The following TMED8 variants were observed in gnomAD, a reference collection of about 807,000 sequenced individuals.
TMED8 encodes the protein protein TMED8.
A neutral mutation model predicts 32.7 loss-of-function variants in TMED8; 15 were observed. The observed-to-expected ratio is 0.46, with a 90% CI of 0.31 to 0.71. The LOEUF is 0.71. TMED8 is among the 30% of genes least tolerant of loss of function. TMED8 has a pLI of 0.06. For missense variants in TMED8, 390 were observed against 423.9 expected (o/e 0.92, Z 0.70); for synonymous variants, 147 against 161.4 (o/e 0.91, Z 0.68).
rs1206939796 is a variant in TMED8, at chr14:77,335,143, T to C, written c.*6628A>G. 1.3e-5 allele frequency: 2 copies of C among 152,244 alleles called. No individual in the cohort carries two copies. Among genetic ancestry groups the C allele is most frequent in the East Asian group, 1.9e-4 (1 of 5,204 alleles). 9.4% of individuals were successfully genotyped at this position (152,244 alleles called of 1,614,324 possible). On this transcript the variant is annotated 3_prime_UTR_variant, in exon 6 of 6. Coordinates refer to ENST00000216468, the MANE Select transcript of TMED8 (RefSeq NM_213601.3). ...ATATAAAACGCAAGAACTGAGCTAC[T>C]TGAAGAAGCACAGCTCAGAATCATC...
At chr14:77,372,942 ATATATATATATTTTTTTTTTTTT>A (rs1566696566) in intron 1 of TMED8, among the ~76,000 whole-genome samples, 7 of 24,622 alleles carry the variant, frequency 2.8e-4, no homozygotes, top group Admixed American at 4.9e-4. Flanking sequence ...ATATATATAT[ATATATATATATTTTTTTTTTTTT>A]TTTTTTTTTT....
chr14:77,367,663 T>C (rs889293342), intron 1 of TMED8, among the ~76,000 whole-genome samples: 3 of 152,068 alleles, frequency 2.0e-5, no homozygotes, highest in Admixed American at 6.5e-5. Flanking sequence ...AATGCACCCA[T>C]GTAATTGTAG....
In TMED8 at chr14:77,346,387, C is replaced by T. The variant is rs572609505; in HGVS notation, c.289G>A (p.Asp97Asn). 245 of 1,614,042 alleles carry T rather than the reference C, an allele frequency of 1.5e-4. No individual in the cohort carries two copies. The highest frequency in any genetic ancestry group is 2.0e-4 in the Non-Finnish European group (234 of 1,180,040). Reference protein sequence around the residue: ...PLEAQALVKQDLLPADQAQVL... With the variant: ...PLEAQALVKQNLLPADQAQVL... ...TGGGCCTGGTCTGCAGGCAGCAAAT[C>T]CTGTTTCACCAAGGCCTGAGCCTCC... The change falls in exon 3 of 6, where the codon GAT becomes AAT. Residue 97 changes from aspartate to asparagine, a missense_variant. Coordinates refer to ENST00000216468, the MANE Select transcript of TMED8 (RefSeq NM_213601.3).
At chr14:77,365,326 AAG>A (rs1181914880) in intron 1 of TMED8, among the ~76,000 whole-genome samples, 1 of 152,218 alleles carries the variant, frequency 6.6e-6, no homozygotes, top group Admixed American at 6.5e-5. Context: ...CCTAGTGAGG[AAG>A]ATAAACTCAT....
chr14:77,336,478 T>G lies in TMED8; in HGVS notation c.*5293A>C, dbSNP rs1289748991. 5.9e-5 allele frequency: 9 copies of G among 152,214 alleles called. No homozygotes were observed. Among genetic ancestry groups the G allele is most frequent in the African/African-American group, 2.2e-4 (9 of 41,456 alleles). 9.4% of individuals were successfully genotyped at this position (152,214 alleles called of 1,614,324 possible). A position where few individuals can be genotyped will look rare whatever the true frequency, so the allele number is the denominator to read the frequency against. On this transcript the variant is annotated 3_prime_UTR_variant, in exon 6 of 6. Transcript: ENST00000216468. ...TCATTGGTTTTAGGCAATAGTGTTTTCTTAGCTTAGAAATTTCTTACCTTA... is the reference window on the plus strand; with the variant it reads ...TCATTGGTTTTAGGCAATAGTGTTTGCTTAGCTTAGAAATTTCTTACCTTA...
chr14:77,353,335 G>A (rs1258952322), intron 1 of TMED8, among the ~76,000 whole-genome samples: 1 of 152,090 alleles, frequency 6.6e-6, no homozygotes, highest in Non-Finnish European at 1.5e-5. Flanking sequence ...TCAGAGTTTG[G>A]TAGCAAACTC....
In TMED8 at chr14:77,346,356, A is replaced by G. The variant is rs1334543149; in HGVS notation, c.320T>C (p.Leu107Pro). 1.2e-6 allele frequency: 2 copies of G among 1,613,996 alleles called. No homozygotes were observed. ...DLLPADQAQV[L>P]NEMAKYQVPQ... The stretch of plus-strand genomic sequence containing the variant: ...CCAGAATCTGCCCCCTACCTCATTG[A>G]GGACCTGGGCCTGGTCTGCAGGCAG... The change falls in exon 3 of 6, where the codon CTC (leucine) becomes CCC (proline). Residue 107 changes from leucine (L) to proline (P), a missense_variant. Leu to Pro is a moderately conservative substitution (Grantham distance 98). Coordinates refer to ENST00000216468, the MANE Select transcript of TMED8 (RefSeq NM_213601.3).
In TMED8 at chr14:77,341,997, G is replaced by A; in HGVS notation, c.761-9C>T. ...TCCAGCTGGAACGGGTTCTGCGTGA[G>A]CAAAATGGCAAAGTGTTCAGAGACT... On this transcript the variant is annotated splice_polypyrimidine_tract_variant and intron_variant, in intron 5 of 5. Coordinates refer to ENST00000216468, the MANE Select transcript of TMED8 (RefSeq NM_213601.3). The A allele has an allele frequency of 1.2e-6, 2 of 1,613,286 alleles. No homozygotes were observed. The highest frequency in any genetic ancestry group is 8.5e-7 in the Non-Finnish European group (1 of 1,179,666).
intron 1 of TMED8, among the ~76,000 whole-genome samples, chr14:77,372,171 C>T (rs2139639232): frequency 6.6e-6 from 1 of 152,186 alleles, no homozygotes; most frequent in East Asian, 1.9e-4. Flanking sequence ...TCATTGATGG[C>T]CACTAAAGCA....
chr14:77,367,117 GTC>G (rs1422504746), intron 1 of TMED8, among the ~76,000 whole-genome samples: 1 of 151,370 alleles, frequency 6.6e-6, no homozygotes, highest in East Asian at 1.9e-4. Flanking sequence ...GGTGGTGTGT[GTC>G]TAATCCCAGC....
At chr14:77,359,011 G>A (rs147446744) in intron 1 of TMED8, among the ~76,000 whole-genome samples, 5 of 152,130 alleles carry the variant, frequency 3.3e-5, no homozygotes, top group East Asian at 1.9e-4. Flanking sequence ...TGGCTTAAGC[G>A]ATTCTCCTGC....
intron 1 of TMED8, among the ~76,000 whole-genome samples, chr14:77,373,160 C>T (rs1893736539): frequency 6.7e-6 from 1 of 150,158 alleles, no homozygotes; most frequent in Non-Finnish European, 1.5e-5. Flanking sequence ...CTAACTTCTA[C>T]CTTAGAACCA....
intron 1 of TMED8, among the ~76,000 whole-genome samples, chr14:77,356,911 C>T (rs1236457548): frequency 2.0e-5 from 3 of 152,188 alleles, no homozygotes; most frequent in East Asian, 1.9e-4. Context: ...TGCCTTTTCA[C>T]GGTATCACTT....
At chr14:77,352,763 AAGAAATCATATTCCTC>A (rs1457278846) in intron 1 of TMED8, among the ~76,000 whole-genome samples, 2 of 152,286 alleles carry the variant, frequency 1.3e-5, no homozygotes, top group East Asian at 3.9e-4. Context: ...AATAAAAAGA[AAGAAATCATATTCCTC>A]AGAAAGCAGA....
At chr14:77,371,346 G>C (rs1016979405) in intron 1 of TMED8, among the ~76,000 whole-genome samples, 1 of 152,152 alleles carries the variant, frequency 6.6e-6, no homozygotes. Context: ...ACCAAGTGTA[G>C]TTAGGATTTC....
At chr14:77,375,194 T>C (rs544045840) in intron 1 of TMED8, among the ~76,000 whole-genome samples, 1 of 152,206 alleles carries the variant, frequency 6.6e-6, no homozygotes, top group Admixed American at 6.5e-5. Context: ...AAGAGCTTGC[T>C]CTGGGCTACT....
At chr14:77,363,745 C>T (rs1388829823) in intron 1 of TMED8, among the ~76,000 whole-genome samples, 2 of 151,296 alleles carry the variant, frequency 1.3e-5, no homozygotes, top group Admixed American at 6.6e-5. Flanking sequence ...TGTACTCAAA[C>T]TCCTGGGCTC....
In TMED8 at chr14:77,336,947, C is replaced by T. The variant is rs1026468797; in HGVS notation, c.*4824G>A. ...CATAAACATAAACTCATATTCCCTA[C>T]AGATTAAGACTTTTTATGATAATAC... On this transcript the variant is annotated 3_prime_UTR_variant, in exon 6 of 6. Transcript: ENST00000216468. The T allele has an allele frequency of 9.9e-5, 15 of 152,276 alleles. No homozygotes were observed. The highest frequency in any genetic ancestry group is 3.6e-4 in the African/African-American group (15 of 41,564). The allele number at this position is 152,276 out of a possible 1,614,324, so 9.4% of individuals were successfully genotyped here.
Position 77,377,000 on chromosome 14 carries a change from G to A in TMED8, c.54C>T (p.Arg18=), listed in dbSNP as rs1437941895. Residue 18 remains arginine (R), a synonymous_variant, in exon 1 of 6, where the codon CGC becomes CGT. Transcript: ENST00000216468. This position sits in a 1 kb window ranked among gnomAD's most constrained non-coding sequence, Gnocchi z 4.0. The part of the protein sequence containing the change: ...EGPGSWSPTA[R]PGSAGGVGDC... ...CCCCGACGCCGCCAGCCGACCCTGG[G>A]CGGGCTGTGGGGCTCCAGGAGCCCG... 1 of 1,434,696 alleles carries A rather than the reference G, an allele frequency of 7.0e-7. No homozygotes were observed. The highest frequency in any genetic ancestry group is 1.4e-5 in the South Asian group (1 of 70,608). The allele number at this position is 1,434,696 out of a possible 1,614,324, so 88.9% of individuals were successfully genotyped here.
Sources: gnomAD v4.1 joint callset for allele counts (sites outside exome capture counted in the v4.1 genomes callset) on GRCh38, gnomAD v4.1.1 for gene constraint, Gnocchi (gnomAD v3.1) non-coding constraint, MANE v1.5 for transcripts, NCBI Gene and HGNC (gene_info 2026-07-23, HGNC 2026-07-21) for gene names.